FAF2: variants seen among roughly 807,000 people sequenced by gnomAD.
FAF2 encodes the protein Fas associated factor family member 2.
Under a neutral mutation model 62.3 loss-of-function variants are expected in FAF2, and 9 were observed. The ratio of observed to expected loss-of-function variants is 0.14; its 90% CI spans 0.09 to 0.25. The LOEUF (loss-of-function observed/expected upper bound fraction) is 0.25, where lower values mean the gene tolerates loss of function less well. FAF2 is among the 10% of genes least tolerant of loss of function. The probability of loss-of-function intolerance (pLI) is 1.00; values close to 1 mark genes in which losing one functional copy is unlikely to be tolerated. For synonymous variants in FAF2, 202 were observed against 198.0 expected, an observed-to-expected ratio of 1.02 and a Z score of -0.17; for missense variants, 368 against 556.2, an observed-to-expected ratio of 0.66 and a Z score of 3.40.
intron 3 of FAF2, among the ~76,000 whole-genome samples, chr5:176,486,909 C>T (rs1561824124): frequency 6.6e-6 from 1 of 152,150 alleles, no homozygotes; most frequent in Admixed American, 6.5e-5. Flanking sequence ...CTCCAATAAC[C>T]TGGTATCTTG....
At chr5:176,457,053 C>CT in intron 1 of FAF2, among the ~76,000 whole-genome samples, 1 of 152,018 alleles carries the variant, frequency 6.6e-6, no homozygotes. Context: ...ATGAACTCCT[C>CT]TAAGTATTTA....
At chr5:176,496,164 A>T (rs1755471755) in intron 7 of FAF2, among the ~76,000 whole-genome samples, 1 of 152,136 alleles carries the variant, frequency 6.6e-6, no homozygotes, top group Non-Finnish European at 1.5e-5. Context: ...ATGCAAATTG[A>T]TAACAAAAAC....
intron 4 of FAF2, among the ~76,000 whole-genome samples, chr5:176,490,171 C>T (rs1455525323): frequency 6.6e-6 from 1 of 151,950 alleles, no homozygotes; most frequent in Non-Finnish European, 1.5e-5. Context: ...ATTAGCCGGG[C>T]GCGGTGGCTG....
In FAF2 at chr5:176,506,752, T is replaced by C; in HGVS notation, c.1156-16T>C. On this transcript the variant is annotated splice_polypyrimidine_tract_variant and intron_variant, in intron 10 of 10. Coordinates refer to ENST00000261942, the MANE Select transcript of FAF2 (RefSeq NM_014613.3). ...GTTTTTCTCACCACCCTTCTTTTTC[T>C]ATATGACCTCTGCAGGTAATCCACG... 1 of 1,610,554 alleles carries C rather than the reference T, an allele frequency of 6.2e-7. No individual in the cohort carries two copies. The highest frequency in any genetic ancestry group is 8.5e-7 in the Non-Finnish European group (1 of 1,177,584).
intron 1 of FAF2, among the ~76,000 whole-genome samples, chr5:176,454,010 C>T (rs1448243557): frequency 2.0e-5 from 3 of 151,080 alleles, no homozygotes; most frequent in Non-Finnish European, 4.4e-5. Flanking sequence ...GATCCGAGAC[C>T]GCACCACTGC....
Position 176,494,218 on chromosome 5 carries a change from A to T in FAF2, c.604A>T (p.Ile202Leu). 7 of 1,614,166 alleles carry T rather than the reference A, an allele frequency of 4.3e-6. No homozygotes were observed. The highest frequency in any genetic ancestry group is 5.9e-6 in the Non-Finnish European group (7 of 1,180,020). The change falls in exon 7 of 11, where the codon ATA becomes TTA. Residue 202 changes from isoleucine (I) to leucine (L), a missense_variant. Ile to Leu is a conservative substitution (Grantham distance 5). Coordinates refer to ENST00000261942, the MANE Select transcript of FAF2 (RefSeq NM_014613.3). This position sits in a 1 kb window ranked among gnomAD's most constrained non-coding sequence, Gnocchi z 4.0. ...TLCAPEVISL[I>L]NTRMLFWACS... The stretch of plus-strand genomic sequence containing the variant: ...CTGTGCACCTGAAGTTATTTCACTA[A>T]TAAACACTAGGATGCTCTTCTGGGC...
At chr5:176,475,791 A>G (rs997736939) in intron 1 of FAF2, among the ~76,000 whole-genome samples, 3 of 152,040 alleles carry the variant, frequency 2.0e-5, no homozygotes, top group Non-Finnish European at 4.4e-5. Flanking sequence ...AAGAATTACT[A>G]TCAATACCAC....
chr5:176,505,279 G>A (rs1755656541), intron 10 of FAF2, among the ~76,000 whole-genome samples: 1 of 152,188 alleles, frequency 6.6e-6, no homozygotes, highest in Non-Finnish European at 1.5e-5. Flanking sequence ...CAGGGACAGG[G>A]AGAGATGACA....
intron 1 of FAF2, among the ~76,000 whole-genome samples, chr5:176,468,445 G>T (rs961720923): frequency 6.6e-6 from 1 of 152,078 alleles, no homozygotes; most frequent in African/African-American, 2.4e-5. Context: ...TTAGGCGGGC[G>T]TGGTCGTGGG....
intron 1 of FAF2, among the ~76,000 whole-genome samples, chr5:176,477,804 G>A (rs1386804169): frequency 2.0e-5 from 3 of 152,146 alleles, no homozygotes; most frequent in East Asian, 3.9e-4. Context: ...GAGTTAAAAT[G>A]TGCCTGTCCG....
rs1759024198 is a variant in FAF2, at chr5:176,494,299, A to G, written c.661+24A>G. 4 of 1,570,616 alleles carry G rather than the reference A, an allele frequency of 2.5e-6. No individual in the cohort carries two copies. The East Asian group carries it at 9.0e-5, about 35-fold the overall frequency. ...GGGTAAGTTATGTTTCTTCTGCCTC[A>G]TTGAGATTGTTGGAGTATCTTTGGA... On this transcript the variant is annotated intron_variant, in intron 7 of 10. Coordinates refer to ENST00000261942, the MANE Select transcript of FAF2 (RefSeq NM_014613.3). This position sits in a 1 kb window ranked among gnomAD's most constrained non-coding sequence, Gnocchi z 4.0.
chr5:176,494,377 G>A lies in FAF2; in HGVS notation c.661+102G>A. 1 of 979,836 alleles carries A rather than the reference G, an allele frequency of 1.0e-6. No homozygotes were observed. The highest frequency in any genetic ancestry group is 1.3e-5 in the South Asian group (1 of 76,136). The allele number at this position is 979,836 out of a possible 1,614,324, so 60.7% of individuals were successfully genotyped here. On this transcript the variant is annotated intron_variant, in intron 7 of 10. Transcript: ENST00000261942. This position sits in a 1 kb window ranked among gnomAD's most constrained non-coding sequence, Gnocchi z 4.0. ...TTATTACAAGTGTGTTTGTTCTGTG[G>A]TAGATACGACGCTAGTTGCTATTTT...
At chr5:176,453,163 CA>C in intron 1 of FAF2, 1 of 152,094 alleles carries the variant, frequency 6.6e-6, no homozygotes, top group East Asian at 1.9e-4. Context: ...CTATTGCAGA[CA>C]ATTGTTTTCA....
chr5:176,470,875 T>C lies in FAF2; in HGVS notation c.64-8313T>C, dbSNP rs1377313501. Among the ~76,000 whole-genome samples, 3 of 152,222 alleles carry C rather than the reference T, an allele frequency of 2.0e-5. No homozygotes were observed. The East Asian group carries it at 5.8e-4, about 29-fold the overall frequency. ...CCTTCATCTGGCAGTCTATTTCCAC[T>C]TTTTCCCATTCTTTTTACTTTTTTA... On this transcript the variant is annotated intron_variant, in intron 1 of 10. Coordinates refer to ENST00000261942, the MANE Select transcript of FAF2 (RefSeq NM_014613.3).
At chr5:176,499,426 C>T (rs1755554050) in intron 9 of FAF2, among the ~76,000 whole-genome samples, 1 of 152,084 alleles carries the variant, frequency 6.6e-6, no homozygotes, top group Admixed American at 6.6e-5. Flanking sequence ...CATGCCTGGC[C>T]CTAAATATTC....
At chr5:176,482,279 G>A (rs1046169884) in intron 2 of FAF2, among the ~76,000 whole-genome samples, 6 of 150,312 alleles carry the variant, frequency 4.0e-5, no homozygotes, top group South Asian at 2.1e-4. Context: ...GTGCAGAGGC[G>A]TGATCACGGC....
At chr5:176,476,879 A>G (rs575986549) in intron 1 of FAF2, among the ~76,000 whole-genome samples, 6 of 135,768 alleles carry the variant, frequency 4.4e-5, no homozygotes, top group South Asian at 2.3e-4. Flanking sequence ...GCGCTATCTC[A>G]GCTCACTGCA....
At chr5:176,457,654 G>T (rs1377992432) in intron 1 of FAF2, among the ~76,000 whole-genome samples, 1 of 13,890 alleles carries the variant, frequency 7.2e-5, no homozygotes, top group Admixed American at 6.2e-4. Flanking sequence ...GTTTTCAGGG[G>T]TGTGTGTGTG....
At chr5:176,500,955 C>T (rs1384280422) in intron 10 of FAF2, among the ~76,000 whole-genome samples, 4 of 151,896 alleles carry the variant, frequency 2.6e-5, no homozygotes, top group African/African-American at 7.3e-5. Flanking sequence ...GGTGAAACCT[C>T]GTCTCTACTA....
Sources: allele counts gnomAD v4.1 joint callset (sites outside exome capture counted in the v4.1 genomes callset), GRCh38; gene constraint gnomAD v4.1.1; non-coding constraint Gnocchi (gnomAD v3.1); transcripts MANE v1.5; gene names NCBI Gene and HGNC (gene_info 2026-07-23, HGNC 2026-07-21).